The following NKIRAS1 variants were observed in gnomAD, a reference collection of about 807,000 sequenced individuals.
NKIRAS1 encodes NF-kappa-B inhibitor-interacting Ras-like protein 1.
Under a neutral mutation model 19.8 loss-of-function variants are expected in NKIRAS1, and 16 were observed. The ratio of observed to expected loss-of-function variants is 0.81; its 90% CI spans 0.55 to 1.23. The LOEUF (loss-of-function observed/expected upper bound fraction) is 1.23, where lower values mean the gene tolerates loss of function less well. Among genes scored for constraint, NKIRAS1 ranks in the 50% most tolerant of loss-of-function variants. The pLI, the probability that NKIRAS1 is intolerant of heterozygous loss-of-function variation, is 0.00. For synonymous variants in NKIRAS1, 88 were observed against 79.0 expected, an observed-to-expected ratio of 1.11 and a Z score of -0.61; for missense variants, 184 against 220.0, an observed-to-expected ratio of 0.84 and a Z score of 1.04.
upstream of NKIRAS1, chr3:23,917,950 C>T: frequency 1.2e-6 from 2 of 1,613,418 alleles, no homozygotes; most frequent in Non-Finnish European, 1.7e-6. Context: ...CTGGCAGTAC[C>T]GCCAGCTCTC....
upstream of NKIRAS1, chr3:23,920,966 G>A (rs1316110336): frequency 1.2e-5 from 2 of 161,920 alleles, no homozygotes; most frequent in African/African-American, 4.8e-5. Context: ...ATTTGAGATA[G>A]CATAAAATGT....
In NKIRAS1 at chr3:23,915,364, G is replaced by A. The variant is rs554445229; in HGVS notation, c.-140+1420C>T. Among the ~76,000 whole-genome samples the A allele has an allele frequency of 6.4e-4, 97 of 152,260 alleles. 1 individual carries two copies. Among genetic ancestry groups the A allele is most frequent in the Non-Finnish European group, 1.1e-3 (73 of 68,022 alleles). On this transcript the variant is annotated intron_variant, in intron 1 of 4. Coordinates refer to ENST00000425478, the MANE Select transcript of NKIRAS1 (RefSeq NM_020345.4). Reference sequence around the variant, plus strand: ...CCTCCAGAAGGAACACAGCCCTACTGACTTTGGTTTTAGCTTGGTGATATT... The same window carrying A: ...CCTCCAGAAGGAACACAGCCCTACTAACTTTGGTTTTAGCTTGGTGATATT...
upstream of NKIRAS1, chr3:23,918,081 G>T: frequency 1.3e-6 from 2 of 1,574,620 alleles, no homozygotes; most frequent in Non-Finnish European, 1.7e-6. Context: ...TTCGAGAAAA[G>T]TTGGAAACCA....
upstream of NKIRAS1, chr3:23,919,066 C>T (rs970915734): frequency 4.6e-6 from 3 of 654,210 alleles, no homozygotes; most frequent in African/African-American, 3.6e-5. Flanking sequence ...GGGAGAAATG[C>T]TTAGTAAATA....
In NKIRAS1 at chr3:23,900,450, C is replaced by T. The variant is rs776452939; in HGVS notation, c.336+358G>A. Among the ~76,000 whole-genome samples the T allele has an allele frequency of 3.9e-5, 6 of 152,088 alleles. No homozygotes were observed. The South Asian group carries it at 6.2e-4, about 16-fold the overall frequency. On this transcript the variant is annotated intron_variant, in intron 4 of 4. Coordinates refer to ENST00000425478, the MANE Select transcript of NKIRAS1 (RefSeq NM_020345.4). ...AGGAGTTCAAGACCAGCCTGGCCAA[C>T]GCGGTAATACCCTGTCTCCACTAAA...
rs1203068082 is a variant in NKIRAS1, at chr3:23,922,210, CT to C, written c.-139-10761del. On this transcript the variant is annotated intron_variant, in intron 1 of 4. Coordinates refer to the NKIRAS1 transcript ENST00000421515. The surrounding 1 kb of genome is among the most constrained non-coding windows in gnomAD (Gnocchi z 4.2). ...TAGTCTCCGAAATCACACCACTGCA[CT>C]CCCATCTTGGGTGATAGAGCCAGAA... The C allele has an allele frequency of 1.3e-5, 2 of 152,268 alleles. No individual in the cohort carries two copies. The highest frequency in any genetic ancestry group is 2.4e-5 in the African/African-American group (1 of 41,442). The allele number at this position is 152,268 out of a possible 1,614,324, so 9.4% of individuals were successfully genotyped here.
At chr3:23,910,119 A>G (rs1439622238) in intron 3 of NKIRAS1, among the ~76,000 whole-genome samples, 1 of 147,772 alleles carries the variant, frequency 6.8e-6, no homozygotes, top group Non-Finnish European at 1.5e-5. Context: ...GGCCTCCCAA[A>G]GCGTTTGGAT....
At chr3:23,918,736 C>T (rs1182993640), upstream of NKIRAS1, 9 of 849,670 alleles carry the variant, frequency 1.1e-5, no homozygotes, top group African/African-American at 1.7e-5. Context: ...GCTTGAAAGA[C>T]TTGTCTTTGT....
intron 1 of NKIRAS1, among the ~76,000 whole-genome samples, chr3:23,939,860 C>T (rs751126036): frequency 6.6e-6 from 1 of 152,206 alleles, no homozygotes; most frequent in Non-Finnish European, 1.5e-5. Flanking sequence ...GTTTATACAA[C>T]ATGGACAAAC....
rs575467802 is a variant in NKIRAS1, at chr3:23,892,044, A to G, written c.*1051T>C. ...ATGTAGTAGTTCTTCACTAGAGCTCATGAAAAAAGTATTCCATTTAAGATG... is the reference window on the plus strand; with the variant it reads ...ATGTAGTAGTTCTTCACTAGAGCTCGTGAAAAAAGTATTCCATTTAAGATG... On this transcript the variant is annotated 3_prime_UTR_variant, in exon 5 of 5. Transcript: ENST00000425478. The G allele has an allele frequency of 4.7e-4, 71 of 152,392 alleles. No homozygotes were observed. The highest frequency in any genetic ancestry group is 1.6e-3 in the African/African-American group (66 of 41,598). 9.4% of individuals were successfully genotyped at this position (152,392 alleles called of 1,614,324 possible). A position where few individuals can be genotyped will look rare whatever the true frequency, so the allele number is the denominator to read the frequency against.
chr3:23,934,506 G>A (rs969842089), intron 1 of NKIRAS1, among the ~76,000 whole-genome samples: 17 of 152,098 alleles, frequency 1.1e-4, no homozygotes, highest in Admixed American at 8.5e-4. Context: ...TTCTGCTTTC[G>A]TACTGCAAAT....
Position 23,943,548 on chromosome 3 carries a change from G to A in NKIRAS1, c.-140+2775C>T, listed in dbSNP as rs565512697. 9.2e-5 allele frequency among the ~76,000 whole-genome samples: 14 copies of A among 152,366 alleles called. 1 individual carries two copies. In the East Asian group the frequency reaches 2.5e-3, roughly 27 times the overall value. On this transcript the variant is annotated intron_variant, in intron 1 of 4. Coordinates refer to the NKIRAS1 transcript ENST00000421515. ...GCCCAGCCCAGTTTTGCCTTTTCTAGAATGTCGTATAGTTGGAATCATACA... is the reference window on the plus strand; with the variant it reads ...GCCCAGCCCAGTTTTGCCTTTTCTAAAATGTCGTATAGTTGGAATCATACA...
At chr3:23,912,944 G>A (rs1409342802) in intron 1 of NKIRAS1, among the ~76,000 whole-genome samples, 3 of 148,120 alleles carry the variant, frequency 2.0e-5, no homozygotes, top group Non-Finnish European at 3.0e-5. Context: ...TGGTGAAACC[G>A]TCTCTACTAA....
intron 1 of NKIRAS1, among the ~76,000 whole-genome samples, chr3:23,925,454 C>A (rs947453115): frequency 6.6e-6 from 1 of 151,902 alleles, no homozygotes; most frequent in Admixed American, 6.6e-5. Context: ...GGCAAGATGG[C>A]GAAACCCGTC....
At chr3:23,913,040 C>CA (rs1169515621) in intron 1 of NKIRAS1, among the ~76,000 whole-genome samples, 7,971 of 43,556 alleles carry the variant, frequency 0.18, 1,162 homozygotes, top group African/African-American at 0.37. Flanking sequence ...GACTCCGTCT[C>CA]AAAAAAAAAA....
At chr3:23,898,312 T>G (rs531242421) in intron 4 of NKIRAS1, among the ~76,000 whole-genome samples, 1 of 152,202 alleles carries the variant, frequency 6.6e-6, no homozygotes, top group Admixed American at 6.5e-5. Flanking sequence ...TAAAAAGAGT[T>G]TGGTACGTAC....
chr3:23,921,510 C>T, upstream of NKIRAS1: 1 of 673,160 alleles, frequency 1.5e-6, no homozygotes, highest in Non-Finnish European at 2.7e-6. Context: ...ACAAGCTGTT[C>T]CCATTTGCTT....
At chr3:23,935,439 G>T (rs1164518339) in intron 1 of NKIRAS1, among the ~76,000 whole-genome samples, 1 of 151,384 alleles carries the variant, frequency 6.6e-6, no homozygotes, top group Non-Finnish European at 1.5e-5. Context: ...TTGTTGAGAT[G>T]GGGTCTTGTT....
At chr3:23,943,258 G>A (rs1404323624) in intron 1 of NKIRAS1, among the ~76,000 whole-genome samples, 3 of 152,068 alleles carry the variant, frequency 2.0e-5, no homozygotes, top group Non-Finnish European at 4.4e-5. Context: ...TTGAGACAGA[G>A]TTTTGCTCTT....
Sources: allele counts gnomAD v4.1 joint callset (sites outside exome capture counted in the v4.1 genomes callset), GRCh38; gene constraint gnomAD v4.1.1; non-coding constraint Gnocchi (gnomAD v3.1); transcripts MANE v1.5; gene names NCBI Gene and HGNC (gene_info 2026-07-23, HGNC 2026-07-21).